ZNF232: variants seen among roughly 807,000 people sequenced by gnomAD.
The protein encoded by ZNF232 is zinc finger protein 232.
ZNF232 carries 25 observed loss-of-function variants against 25.2 expected under a neutral mutation model. The ratio of observed to expected loss-of-function variants is 0.99; its 90% CI spans 0.72 to 1.39. ZNF232 has a LOEUF of 1.39. Among genes scored for constraint, ZNF232 ranks in the 40% most tolerant of loss-of-function variants. The pLI, the probability that ZNF232 is intolerant of heterozygous loss-of-function variation, is 0.00. For missense variants in ZNF232, 519 were observed against 520.9 expected (o/e 1.00, Z 0.04); for synonymous variants, 193 against 182.9 (o/e 1.06, Z -0.45).
intron 1 of ZNF232, chr17:5,121,839 G>A (rs1482872849): frequency 6.5e-6 from 1 of 152,980 alleles, no homozygotes; most frequent in Non-Finnish European, 1.5e-5. Context: ...GTGAAGTTCA[G>A]GAGGTGTGAA....
intron 1 of ZNF232, chr17:5,111,557 T>C: frequency 1.7e-6 from 1 of 600,652 alleles, no homozygotes; most frequent in Non-Finnish European, 2.8e-6. Context: ...CTTCCCACCC[T>C]TCACTCCCTA....
rs767435623 is a variant in ZNF232, at chr17:5,106,199, GACA to G, written c.930_932del (p.Val311del). On this transcript the variant is annotated inframe_deletion, in exon 4 of 4. Coordinates refer to ENST00000575898, the Ensembl canonical transcript of ZNF232. ...TCTCTCCAGAATGAACTCTCTGGTG[GACA>G]ACAAGATGTGAGTTATAAATGAAGG... The G allele has an allele frequency of 5.6e-6, 9 of 1,614,194 alleles. No homozygotes were observed. In the East Asian group the frequency reaches 8.9e-5, roughly 16 times the overall value.
At chr17:5,108,674 G>T in intron 3 of ZNF232, 1 of 406,708 alleles carries the variant, frequency 2.5e-6, no homozygotes, top group Non-Finnish European at 4.5e-6. Flanking sequence ...ATGCTGGCCA[G>T]GCTTTATATC....
In ZNF232 at chr17:5,108,924, A is replaced by G; in HGVS notation, c.625+2T>C. The G allele has an allele frequency of 6.2e-7, 1 of 1,613,638 alleles. No individual in the cohort carries two copies. The highest frequency in any genetic ancestry group is 8.5e-7 in the Non-Finnish European group (1 of 1,179,828). On this transcript the variant is annotated splice_donor_variant, in intron 3 of 3. Coordinates refer to ENST00000575898, the Ensembl canonical transcript of ZNF232. LOFTEE classifies it high-confidence loss of function. ...CCCTCCCCACAGAATCCTGCTCCTCACCACTCTTTGGGAAAGGCTGGGTCT... is the reference window on the plus strand; with the variant it reads ...CCCTCCCCACAGAATCCTGCTCCTCGCCACTCTTTGGGAAAGGCTGGGTCT...
At chr17:5,120,725 T>G (rs2072634779) in intron 1 of ZNF232, 2 of 433,314 alleles carry the variant, frequency 4.6e-6, no homozygotes, top group Non-Finnish European at 9.2e-6. Flanking sequence ...ATGAGATGCA[T>G]GACCAGGACA....
upstream of ZNF232, among the ~76,000 whole-genome samples, chr17:5,112,974 TA>T (rs1386904131): frequency 3.3e-5 from 5 of 152,092 alleles, no homozygotes; most frequent in East Asian, 9.7e-4. Flanking sequence ...AAAAATTAAT[TA>T]AAAATAAATT....
intron 1 of ZNF232, among the ~76,000 whole-genome samples, chr17:5,116,986 C>T (rs1181318644): frequency 1.3e-5 from 2 of 152,196 alleles, no homozygotes; most frequent in Non-Finnish European, 2.9e-5. Context: ...TGGGGAACTG[C>T]AGAGAGTTCA....
chr17:5,109,891 T>C, intron 1 of ZNF232, 23 bp from the exon 2 acceptor site: 2 of 1,552,596 alleles, frequency 1.3e-6, no homozygotes, highest in African/African-American at 1.4e-5. Flanking sequence ...AAGAAATCAT[T>C]CCTCTTTTTT....
upstream of ZNF232, chr17:5,114,261 T>C (rs1375435604): frequency 6.6e-6 from 1 of 152,256 alleles, no homozygotes; most frequent in African/African-American, 2.4e-5. Context: ...CCAATATGAA[T>C]TTCCAGATGC....
intron 3 of ZNF232, chr17:5,108,714 C>T (rs1335760893): frequency 1.6e-6 from 1 of 623,432 alleles, no homozygotes; most frequent in African/African-American, 1.9e-5. Context: ...GCTTAATCCT[C>T]AGAGCTATCT....
upstream of ZNF232, chr17:5,111,900 G>A: frequency 1.9e-6 from 3 of 1,585,948 alleles, no homozygotes; most frequent in Non-Finnish European, 2.6e-6. Flanking sequence ...TCGCAGCCTC[G>A]GCCTCCAACT....
At chr17:5,121,251 G>A in intron 1 of ZNF232, 2 of 371,264 alleles carry the variant, frequency 5.4e-6, no homozygotes, top group South Asian at 4.1e-5. Context: ...GAGGGTCTTT[G>A]TGTGCAGGTG....
chr17:5,112,227 G>A (rs1035361980), upstream of ZNF232: 12 of 270,116 alleles, frequency 4.4e-5, no homozygotes, highest in Admixed American at 2.5e-4. Context: ...CATGGCCTGT[G>A]GTAACACTTC....
chr17:5,118,158 C>T (rs964867271), intron 1 of ZNF232: 1 of 152,186 alleles, frequency 6.6e-6, no homozygotes, highest in Non-Finnish European at 1.5e-5. Context: ...GTGCTCTCTC[C>T]CTCAGGGATG....
intron 3 of ZNF232, among the ~76,000 whole-genome samples, chr17:5,108,196 A>G (rs1048056211): frequency 6.6e-6 from 1 of 152,198 alleles, no homozygotes; most frequent in Non-Finnish European, 1.5e-5. Flanking sequence ...GTAAAAGCAA[A>G]TATCAAGTAG....
chr17:5,112,772 G>A (rs1471554704), upstream of ZNF232, among the ~76,000 whole-genome samples: 2 of 151,406 alleles, frequency 1.3e-5, no homozygotes, highest in South Asian at 4.2e-4. Flanking sequence ...GAGACATGGT[G>A]GCCAACATGG....
intron 1 of ZNF232, among the ~76,000 whole-genome samples, chr17:5,118,696 T>C (rs1488551833): frequency 1.3e-5 from 2 of 152,146 alleles, no homozygotes; most frequent in African/African-American, 4.8e-5. Flanking sequence ...TGTGGAGCAC[T>C]TGAAGGATGG....
In ZNF232 at chr17:5,120,233, G is replaced by A. The variant is rs187073890; in HGVS notation, c.-530+2744C>T. Among the ~76,000 whole-genome samples, 761 of 152,250 alleles carry A rather than the reference G, an allele frequency of 5.0e-3. 11 individuals carry two copies. Among genetic ancestry groups the A allele is most frequent in the African/African-American group, 0.017 (723 of 41,540 alleles). On this transcript the variant is annotated intron_variant, in intron 1 of 4. Coordinates refer to the ZNF232 transcript ENST00000250076. ...GGCCTGGCACGGTGACACCAACGTAGGGTTGCTCTCTGCATGCCTGTGCTG... is the reference window on the plus strand; with the variant it reads ...GGCCTGGCACGGTGACACCAACGTAAGGTTGCTCTCTGCATGCCTGTGCTG...
At chr17:5,121,235 G>A in intron 1 of ZNF232, 1 of 383,794 alleles carries the variant, frequency 2.6e-6, no homozygotes, top group Non-Finnish European at 5.2e-6. Flanking sequence ...GTCCAACGTG[G>A]GTGCAGAGGG....
Sources: gnomAD v4.1 joint callset for allele counts (sites outside exome capture counted in the v4.1 genomes callset) on GRCh38, gnomAD v4.1.1 for gene constraint, MANE v1.5 for transcripts, NCBI Gene and HGNC (gene_info 2026-07-23, HGNC 2026-07-21) for gene names.